Variants in TOP2B observed in about 807,000 individuals in gnomAD.
The protein encoded by TOP2B is DNA topoisomerase 2-beta.
Under a neutral mutation model 193.5 loss-of-function variants are expected in TOP2B, and 51 were observed. The ratio of observed to expected loss-of-function variants is 0.26; its 90% CI spans 0.21 to 0.33. The LOEUF is 0.33. Ranked by LOEUF, TOP2B falls within the 10% of genes least tolerant of loss-of-function variation. The pLI, the probability that TOP2B is intolerant of heterozygous loss-of-function variation, is 1.00. For synonymous variants in TOP2B, 634 were observed against 635.7 expected (o/e 1.00, Z 0.04); for missense variants, 1,378 against 1,909.3 (o/e 0.72, Z 5.19).
intron 30 of TOP2B, 108 bp downstream of exon 30, chr3:25,609,075 A>T: frequency 1.0e-6 from 1 of 990,940 alleles, no homozygotes; most frequent in Middle Eastern, 3.0e-4. Context: ...CCTAACTTTA[A>T]CTTCTGAAAT....
In TOP2B at chr3:25,599,323, C is replaced by T. The variant is rs141345122; in HGVS notation, c.4710+112G>A. ...ACCAAATACAAGCCCCATATTGATA[C>T]GAGATGCTAGGTGGAAAGCTGTTCC... On this transcript the variant is annotated intron_variant, in intron 35 of 35. Coordinates refer to ENST00000264331, the MANE Select transcript of TOP2B (RefSeq NM_001330700.2). The T allele has an allele frequency of 6.1e-3, 5,253 of 859,592 alleles. 28 individuals carry two copies. Among genetic ancestry groups the T allele is most frequent in the Non-Finnish European group, 8.3e-3 (4,669 of 559,566 alleles). The allele number at this position is 859,592 out of a possible 1,614,324, so 53.2% of individuals were successfully genotyped here.
chr3:25,626,221 T>C (rs981944556), intron 18 of TOP2B, among the ~76,000 whole-genome samples: 3 of 152,140 alleles, frequency 2.0e-5, no homozygotes, highest in African/African-American at 7.2e-5. Context: ...TAAAATTTAA[T>C]CTCTGATAAA....
intron 33 of TOP2B, among the ~76,000 whole-genome samples, chr3:25,604,267 C>A (rs1447136986): frequency 1.3e-5 from 2 of 152,084 alleles, no homozygotes. Context: ...TTCAAAAAGA[C>A]CACGGTACAT....
At position 25,641,233 on chromosome 3, in the gene TOP2B, T is replaced by C. The variant is rs933908120; in HGVS notation, c.395+1089A>G. ...CAATTGCAACTATGTTCATCAAGAGTGTATTTAAGGAAGGTCCTTTCTTTC... is the reference window on the plus strand; with the variant it reads ...CAATTGCAACTATGTTCATCAAGAGCGTATTTAAGGAAGGTCCTTTCTTTC... On this transcript the variant is annotated intron_variant, in intron 4 of 35. Coordinates refer to ENST00000264331, the MANE Select transcript of TOP2B (RefSeq NM_001330700.2). Among the ~76,000 whole-genome samples, 8 of 152,016 alleles carry C rather than the reference T, an allele frequency of 5.3e-5. No homozygotes were observed. The East Asian group carries it at 1.5e-3, about 29-fold the overall frequency.
intron 4 of TOP2B, among the ~76,000 whole-genome samples, chr3:25,639,784 T>G (rs1003806241): frequency 1.4e-4 from 21 of 152,324 alleles, no homozygotes; most frequent in African/African-American, 5.1e-4. Context: ...TCTCAAGGCT[T>G]TACAACCATG....
intron 23 of TOP2B, 76 bp from the exon 24 acceptor site, chr3:25,618,925 TTAAAA>T (rs1702584574): frequency 7.2e-6 from 8 of 1,114,784 alleles, no homozygotes; most frequent in Non-Finnish European, 9.9e-6. Flanking sequence ...TCTACAATAC[TTAAAA>T]TAACCATAAT....
At chr3:25,644,655 C>A (rs1457483807) in intron 2 of TOP2B, among the ~76,000 whole-genome samples, 1 of 141,538 alleles carries the variant, frequency 7.1e-6, no homozygotes, top group South Asian at 2.6e-4. Flanking sequence ...GAGCCAAGAT[C>A]ACACTACTAC....
In TOP2B at chr3:25,664,316, A is replaced by C. The variant is rs1255813630; in HGVS notation, c.-19T>G. 6.6e-7 allele frequency: 1 copy of C among 1,511,708 alleles called. No individual in the cohort carries two copies. The highest frequency in any genetic ancestry group is 8.8e-7 in the Non-Finnish European group (1 of 1,136,652). 93.6% of individuals were successfully genotyped at this position (1,511,708 alleles called of 1,614,324 possible). A position where few individuals can be genotyped will look rare whatever the true frequency, so the allele number is the denominator to read the frequency against. Reference sequence around the variant, plus strand: ...TGGCCATGGCGAGTGCCTCCAGCTCACAGGCCCTGAGGCCGCAGCCGCCGC... The same window carrying C: ...TGGCCATGGCGAGTGCCTCCAGCTCCCAGGCCCTGAGGCCGCAGCCGCCGC... On this transcript the variant is annotated 5_prime_UTR_variant, in exon 1 of 36. Transcript: ENST00000264331.
Position 25,627,302 on chromosome 3 carries a change from C to A in TOP2B, c.1907-6G>T. On this transcript the variant is annotated splice_region_variant and splice_polypyrimidine_tract_variant and intron_variant, in intron 15 of 35. Coordinates refer to ENST00000264331, the MANE Select transcript of TOP2B (RefSeq NM_001330700.2). ...AGCTGTACTAGTACCCAATCCTGCA[C>A]AATTTTAAAAATAAAAGTGAGTCAT... 6.5e-7 allele frequency: 1 copy of A among 1,539,740 alleles called. No individual in the cohort carries two copies. The highest frequency in any genetic ancestry group is 2.1e-5 in the Admixed American group (1 of 46,606).
At chr3:25,618,198 G>A (rs538729480) in intron 25 of TOP2B, 59 of 487,694 alleles carry the variant, frequency 1.2e-4, no homozygotes, top group Non-Finnish European at 1.3e-4. Flanking sequence ...ATTTCTCCAG[G>A]CTCTGGTTGA....
chr3:25,651,366 G>C (rs757984687), intron 1 of TOP2B, among the ~76,000 whole-genome samples: 76 of 151,398 alleles, frequency 5.0e-4, no homozygotes, highest in Non-Finnish European at 8.0e-4. Context: ...GATATGTTAT[G>C]TAATGGCAAG....
Position 25,630,292 on chromosome 3 carries a change from A to G in TOP2B, c.1563+20T>C. 6.5e-7 allele frequency: 1 copy of G among 1,545,896 alleles called. No homozygotes were observed. Among genetic ancestry groups the G allele is most frequent in the Non-Finnish European group, 8.8e-7 (1 of 1,142,484 alleles). On this transcript the variant is annotated intron_variant, in intron 12 of 35. Coordinates refer to ENST00000264331, the MANE Select transcript of TOP2B (RefSeq NM_001330700.2). ...TGTGTGCATGTGTGTATACACATATATATACACACACATACATACCTGTTT... is the reference window on the plus strand; with the variant it reads ...TGTGTGCATGTGTGTATACACATATGTATACACACACATACATACCTGTTT...
At chr3:25,618,391 T>A in intron 25 of TOP2B, 27 bp downstream of exon 25, 1 of 1,563,314 alleles carries the variant, frequency 6.4e-7, no homozygotes, top group Non-Finnish European at 8.8e-7. Context: ...AAAGCTTCTC[T>A]GAATGTCTTT....
chr3:25,600,569 TCA>T (rs1413045790), intron 34 of TOP2B, among the ~76,000 whole-genome samples: 1 of 151,986 alleles, frequency 6.6e-6, no homozygotes, highest in Non-Finnish European at 1.5e-5. Context: ...GCAGCTACCC[TCA>T]CAGCATGAGC....
chr3:25,615,936 G>T, intron 25 of TOP2B: 1 of 160,832 alleles, frequency 6.2e-6, no homozygotes, highest in Non-Finnish European at 1.4e-5. Context: ...ACTGCATCTT[G>T]TCAGATTTTT....
intron 7 of TOP2B, among the ~76,000 whole-genome samples, chr3:25,635,287 C>T (rs1419794699): frequency 1.3e-5 from 2 of 152,000 alleles, no homozygotes; most frequent in African/African-American, 2.4e-5. Flanking sequence ...TTATTTACCT[C>T]GATATCTACA....
chr3:25,624,527 G>A, intron 19 of TOP2B, 82 bp from the exon 20 acceptor site: 1 of 1,552,998 alleles, frequency 6.4e-7, no homozygotes, highest in Non-Finnish European at 8.7e-7. Flanking sequence ...TAAAATCCAA[G>A]TGAAGAATAA....
chr3:25,614,810 CAATCA>C (rs1702463769), intron 27 of TOP2B, among the ~76,000 whole-genome samples: 2 of 151,818 alleles, frequency 1.3e-5, no homozygotes, highest in South Asian at 4.1e-4. Flanking sequence ...TATGTTATAA[CAATCA>C]AATATTGAAA....
rs1446363855 is a variant in TOP2B, at chr3:25,619,954, C to T, written c.2971G>A (p.Val991Met). ...GCTAGTTTCTCTTCAGTCATTTTCA[C>T]CACAAATTTCACAGTTGTGTCAGTA... ...YHTDTTVKFV[V>M]KMTEEKLAQA... The change falls in exon 23 of 36, where the codon GTG becomes ATG. Residue 991 changes from valine (V) to methionine (M), a missense_variant. Coordinates refer to ENST00000264331, the MANE Select transcript of TOP2B (RefSeq NM_001330700.2). 1.2e-6 allele frequency: 2 copies of T among 1,613,038 alleles called. No individual in the cohort carries two copies. The highest frequency in any genetic ancestry group is 2.2e-5 in the East Asian group (1 of 44,812).
Sources: allele counts gnomAD v4.1 joint callset (sites outside exome capture counted in the v4.1 genomes callset), GRCh38; gene constraint gnomAD v4.1.1; transcripts MANE v1.5; gene names NCBI Gene and HGNC (gene_info 2026-07-23, HGNC 2026-07-21).